TCF20: variants seen among roughly 807,000 people sequenced by gnomAD.
TCF20 encodes transcription factor 20.
TCF20 carries 3 observed loss-of-function variants against 148.6 expected under a neutral mutation model. The observed-to-expected ratio is 0.02, with a 90% CI of 0.01 to 0.05. The LOEUF is 0.05. Ranked by LOEUF, TCF20 falls within the 10% of genes least tolerant of loss-of-function variation. The pLI is 1.00. For missense variants in TCF20, 2,350 were observed against 2,429.3 expected (o/e 0.97, Z 0.69); for synonymous variants, 1,049 against 909.5 (o/e 1.15, Z -2.76).
intron 1 of TCF20, among the ~76,000 whole-genome samples, chr22:42,300,051 TTTCGTTCC>T (rs1569204225): frequency 1.3e-5 from 2 of 152,304 alleles, no homozygotes; most frequent in South Asian, 2.1e-4. Flanking sequence ...GCCTGGTTCC[TTTCGTTCC>T]TTCGTTCCTT....
intron 1 of TCF20, among the ~76,000 whole-genome samples, chr22:42,313,601 T>TTTC (rs1927575689): frequency 2.1e-5 from 3 of 142,482 alleles, no homozygotes; most frequent in African/African-American, 8.6e-5. Flanking sequence ...TTCTTTCTTT[T>TTTC]TTTTTTTTTT....
At position 42,279,936 on chromosome 22, in the gene TCF20, T is replaced by C. The variant is rs977290106; in HGVS notation, c.-37+3891A>G. ...CACAGGTGATGGGGTGTGTTGTCTA[T>C]GGGGCTCTTGTGCCCTCTGGGGGCC... On this transcript the variant is annotated intron_variant, in intron 1 of 5. Transcript: ENST00000359486. This position sits in a 1 kb window ranked among gnomAD's most constrained non-coding sequence, Gnocchi z 4.3. 2.1e-5 allele frequency among the ~76,000 whole-genome samples: 3 copies of C among 140,004 alleles called. No homozygotes were observed. The highest frequency in any genetic ancestry group is 7.4e-5 in the African/African-American group (3 of 40,780). 91.8% of individuals were successfully genotyped at this position (140,004 alleles called of 152,430 possible).
chr22:42,213,475 C>T lies in TCF20; in HGVS notation c.1831G>A (p.Glu611Lys). ...EKTVGVIVSREAMTGRVEKPG... is the reference protein window; with the variant it reads ...EKTVGVIVSRKAMTGRVEKPG... ...TTTTCTACCCGACCTGTCATGGCTT[C>T]CCGGGAGACAATCACCCCAACAGTC... is the stretch of plus-strand genomic sequence containing the variant. Residue 611 changes from glutamate (E) to lysine (K), a missense_variant, in exon 2 of 6, where the codon GAA becomes AAA. Transcript: ENST00000677622. 1 of 1,614,164 alleles carries T rather than the reference C, an allele frequency of 6.2e-7. No homozygotes were observed. The highest frequency in any genetic ancestry group is 8.5e-7 in the Non-Finnish European group (1 of 1,180,030).
intron 1 of TCF20, among the ~76,000 whole-genome samples, chr22:42,291,161 A>C (rs1397733682): frequency 6.6e-6 from 1 of 152,192 alleles, no homozygotes; most frequent in African/African-American, 2.4e-5. Context: ...AGTCCCCACA[A>C]ACTGTCCAAC....
At chr22:42,273,658 A>C (rs568457269), upstream of TCF20, among the ~76,000 whole-genome samples, 15 of 152,236 alleles carry the variant, frequency 9.9e-5, no homozygotes, top group African/African-American at 3.4e-4. Context: ...AAACAAAAAA[A>C]CAAAAACAGT....
chr22:42,166,627 G>T (rs1187710138), intron 5 of TCF20, among the ~76,000 whole-genome samples: 1 of 140,970 alleles, frequency 7.1e-6, no homozygotes, highest in Non-Finnish European at 1.5e-5. Flanking sequence ...AAAAAAAAAA[G>T]AGTCAAGGGC....
chr22:42,168,356 T>C (rs1217320238), intron 5 of TCF20, among the ~76,000 whole-genome samples: 1 of 152,200 alleles, frequency 6.6e-6, no homozygotes, highest in Non-Finnish European at 1.5e-5. Flanking sequence ...CCTGGCCAGC[T>C]GTGCCCTGAA....
At position 42,224,247 on chromosome 22, in the gene TCF20, G is replaced by A. The variant is rs561451093; in HGVS notation, c.-36-8906C>T. Among the ~76,000 whole-genome samples the A allele has an allele frequency of 5.9e-5, 9 of 152,056 alleles. No individual in the cohort carries two copies. The South Asian group carries it at 1.7e-3, about 28-fold the overall frequency. Reference sequence around the variant, plus strand: ...AGCACTTTGGGAGGCCGAGGTGGGCGGATAACGAGGTCAGGAGATTGAGAC... The same window carrying A: ...AGCACTTTGGGAGGCCGAGGTGGGCAGATAACGAGGTCAGGAGATTGAGAC... On this transcript the variant is annotated intron_variant, in intron 1 of 5. Transcript: ENST00000677622.
At chr22:42,316,121 A>C (rs1410763504) in intron 1 of TCF20, among the ~76,000 whole-genome samples, 2 of 151,656 alleles carry the variant, frequency 1.3e-5, no homozygotes, top group Non-Finnish European at 2.9e-5. Flanking sequence ...AAAAAAAAAA[A>C]AAAAAAAAAG....
intron 2 of TCF20, among the ~76,000 whole-genome samples, chr22:42,201,385 T>G (rs1938003127): frequency 6.6e-6 from 1 of 152,216 alleles, no homozygotes; most frequent in Non-Finnish European, 1.5e-5. Context: ...GTATTTGTCC[T>G]GAATCATTCT....
rs973986261 is a variant in TCF20, at chr22:42,297,810, C to A, written c.-37+45669G>T. Among the ~76,000 whole-genome samples, 48 of 152,320 alleles carry A rather than the reference C, an allele frequency of 3.2e-4. 1 individual carries two copies. Among genetic ancestry groups the A allele is most frequent in the Admixed American group, 2.8e-3 (43 of 15,312 alleles). On this transcript the variant is annotated intron_variant, in intron 1 of 1. Transcript: ENST00000515426. The surrounding 1 kb of genome is among the most constrained non-coding windows in gnomAD (Gnocchi z 4.3). ...GGGGCCCCTGTCAGGCAGGGCCCAG[C>A]ATTCCTGGCTGATGGTGAGGAGATG...
At chr22:42,318,656 G>A (rs1414647443) in intron 1 of TCF20, among the ~76,000 whole-genome samples, 2 of 152,116 alleles carry the variant, frequency 1.3e-5, no homozygotes, top group Non-Finnish European at 2.9e-5. Flanking sequence ...GACCACGAGT[G>A]AGGGATGACT....
At chr22:42,331,786 T>C (rs910377677) in intron 1 of TCF20, among the ~76,000 whole-genome samples, 1 of 152,228 alleles carries the variant, frequency 6.6e-6, no homozygotes, top group Non-Finnish European at 1.5e-5. Flanking sequence ...GCCAGCCCAC[T>C]TGCCTTACAT....
At chr22:42,169,018 A>G (rs1350930619) in intron 4 of TCF20, among the ~76,000 whole-genome samples, 1 of 151,874 alleles carries the variant, frequency 6.6e-6, no homozygotes, top group East Asian at 1.9e-4. Context: ...TTTAAAGAAA[A>G]GCATAAGCAA....
intron 1 of TCF20, among the ~76,000 whole-genome samples, chr22:42,242,629 A>G (rs892418539): frequency 7.9e-5 from 12 of 152,068 alleles, no homozygotes; most frequent in African/African-American, 2.9e-4. Flanking sequence ...GCTCACACCT[A>G]TAATCCCAGC....
At chr22:42,224,091 T>C (rs1442896459) in intron 1 of TCF20, among the ~76,000 whole-genome samples, 3 of 152,108 alleles carry the variant, frequency 2.0e-5, no homozygotes, top group African/African-American at 4.8e-5. Flanking sequence ...TCAAAACTCA[T>C]ATTAGCCATG....
rs1927655582 is a variant in TCF20 at position 42,317,620 on chromosome 22, G to GA, written c.-37+25858_-37+25859insT. ...GCCCAAGGCAGCACCCTCAGAGGAG[G>GA]GCTCTGCTCCTGCATTCCCGCTGGG... On this transcript the variant is annotated intron_variant, in intron 1 of 1. Coordinates refer to the TCF20 transcript ENST00000515426. This position sits in a 1 kb window ranked among gnomAD's most constrained non-coding sequence, Gnocchi z 4.2. Among the ~76,000 whole-genome samples the GA allele has an allele frequency of 6.6e-6, 1 of 152,032 alleles. No homozygotes were observed. The highest frequency in any genetic ancestry group is 1.5e-5 in the Non-Finnish European group (1 of 67,978).
At chr22:42,207,856 C>A (rs1340936080) in intron 2 of TCF20, among the ~76,000 whole-genome samples, 1 of 151,708 alleles carries the variant, frequency 6.6e-6, no homozygotes, top group Non-Finnish European at 1.5e-5. Context: ...GAACCTCTAA[C>A]AAGAAAGAGA....
In TCF20 at chr22:42,168,651, C is replaced by G. The variant is rs142222254; in HGVS notation, c.*2G>C. ...TCCATTCCCACGAGCACACTGCCCC[C>G]CTCACCCCCGCTCCGACTGCTCTGT... On this transcript the variant is annotated 3_prime_UTR_variant, in exon 5 of 6. Transcript: ENST00000677622. 1 of 1,600,764 alleles carries G rather than the reference C, an allele frequency of 6.2e-7. No individual in the cohort carries two copies. Among genetic ancestry groups the G allele is most frequent in the Non-Finnish European group, 8.5e-7 (1 of 1,173,650 alleles).
Sources: gnomAD v4.1 joint callset for allele counts (sites outside exome capture counted in the v4.1 genomes callset) on GRCh38, gnomAD v4.1.1 for gene constraint, Gnocchi (gnomAD v3.1) non-coding constraint, MANE v1.5 for transcripts, NCBI Gene and HGNC (gene_info 2026-07-23, HGNC 2026-07-21) for gene names.